Variants in LRBA observed in about 807,000 individuals in gnomAD.
LRBA encodes lipopolysaccharide-responsive and beige-like anchor protein.
Under a neutral mutation model 330.0 loss-of-function variants are expected in LRBA, and 176 were observed. That is an observed-to-expected ratio of 0.53 (90% CI 0.47 to 0.60). LRBA has a LOEUF of 0.60. LRBA is among the 20% of genes least tolerant of loss of function. The pLI, the probability that LRBA is intolerant of heterozygous loss-of-function variation, is 0.00. For synonymous variants in LRBA, 1,230 were observed against 1,193.0 expected (o/e 1.03, Z -0.64); for missense variants, 3,259 against 3,444.8 (o/e 0.95, Z 1.35).
chr4:150,890,621 GT>G (rs1272157540), intron 17 of LRBA, among the ~76,000 whole-genome samples: 1 of 152,182 alleles, frequency 6.6e-6, no homozygotes, highest in Non-Finnish European at 1.5e-5. Context: ...AAACATGCCA[GT>G]GATAAAAAGG....
In LRBA at chr4:150,828,448, C is replaced by A; in HGVS notation, c.4903G>T (p.Asp1635Tyr). 1 of 1,614,148 alleles carries A rather than the reference C, an allele frequency of 6.2e-7. No individual in the cohort carries two copies. The highest frequency in any genetic ancestry group is 8.5e-7 in the Non-Finnish European group (1 of 1,180,012). ...GTAGATAGCACCTCGCTGATTGCAT[C>A]TGGGCCTGCACTGACACCAGGAGGT... ...TAPPGVSAGP[D>Y]AISEVLSTLS... The change falls in exon 30 of 57, where the codon GAT becomes TAT. Residue 1635 changes from aspartate to tyrosine, a missense_variant. Coordinates refer to ENST00000651943, the MANE Select transcript of LRBA (RefSeq NM_001364905.1).
intron 40 of LRBA, among the ~76,000 whole-genome samples, chr4:150,554,063 A>G (rs954091417): frequency 6.6e-6 from 1 of 152,206 alleles, no homozygotes; most frequent in East Asian, 1.9e-4. Flanking sequence ...AAACCTTGCT[A>G]AAGCAGGAGA....
At chr4:150,295,202 T>TC (rs1395049870) in intron 53 of LRBA, among the ~76,000 whole-genome samples, 74 of 145,576 alleles carry the variant, frequency 5.1e-4, no homozygotes, top group East Asian at 2.2e-3. Flanking sequence ...AGCTTTTTTT[T>TC]TTTTTTTTTT....
At chr4:150,539,915 G>C (rs1253724780) in intron 40 of LRBA, among the ~76,000 whole-genome samples, 1 of 152,082 alleles carries the variant, frequency 6.6e-6, no homozygotes, top group East Asian at 1.9e-4. Context: ...CATCAGTAAA[G>C]GAATAAAAAC....
chr4:150,406,455 T>C (rs1172674312), intron 47 of LRBA, among the ~76,000 whole-genome samples: 2 of 152,176 alleles, frequency 1.3e-5, no homozygotes, highest in Non-Finnish European at 2.9e-5. Context: ...AAAAGACATT[T>C]TGAAAGTGTC....
chr4:150,671,561 T>C (rs539756935), intron 37 of LRBA, among the ~76,000 whole-genome samples: 16 of 152,332 alleles, frequency 1.1e-4, no homozygotes, highest in African/African-American at 2.2e-4. Flanking sequence ...AGGTAGTTAA[T>C]TCATTACAAA....
At chr4:150,479,112 C>T (rs1757022848) in intron 42 of LRBA, among the ~76,000 whole-genome samples, 1 of 151,814 alleles carries the variant, frequency 6.6e-6, no homozygotes, top group Non-Finnish European at 1.5e-5. Context: ...AGCAAGACAG[C>T]ATCTCTTAAA....
chr4:150,875,648 C>G (rs941947809), intron 17 of LRBA, among the ~76,000 whole-genome samples: 12 of 152,258 alleles, frequency 7.9e-5, no homozygotes, highest in Admixed American at 5.2e-4. Context: ...AGGCCCTACC[C>G]AGCATTCTCT....
chr4:150,973,148 C>CTGTT (rs3033033), intron 2 of LRBA, among the ~76,000 whole-genome samples: 98,287 of 149,408 alleles, frequency 0.66, 34,233 homozygotes, highest in Non-Finnish European at 0.79. Flanking sequence ...TTTTGTCTGT[C>CTGTT]TGTTTGTTTG....
chr4:150,850,616 T>C (rs1750503582), intron 24 of LRBA, 108 bp downstream of exon 24: 1 of 621,960 alleles, frequency 1.6e-6, no homozygotes, highest in Non-Finnish European at 2.6e-6. Flanking sequence ...ATTTCTATTC[T>C]ACTTTTTAAC....
At chr4:150,443,026 T>G (rs890978724) in intron 44 of LRBA, among the ~76,000 whole-genome samples, 2 of 152,130 alleles carry the variant, frequency 1.3e-5, no homozygotes, top group Non-Finnish European at 2.9e-5. Context: ...ACATAAATCA[T>G]CTCATTATCT....
intron 35 of LRBA, among the ~76,000 whole-genome samples, chr4:150,742,562 C>T (rs776568526): frequency 8.3e-4 from 126 of 152,098 alleles, no homozygotes; most frequent in Admixed American, 1.1e-3. Flanking sequence ...TACTCCCATT[C>T]CACAGGGCAC....
intron 30 of LRBA, among the ~76,000 whole-genome samples, chr4:150,818,140 TA>T (rs1744869405): frequency 6.6e-6 from 1 of 152,154 alleles, no homozygotes; most frequent in African/African-American, 2.4e-5. Context: ...ATTCAGCTTC[TA>T]AACAAAGTAA....
chr4:150,794,668 C>A (rs999736340), intron 34 of LRBA, among the ~76,000 whole-genome samples: 1 of 152,032 alleles, frequency 6.6e-6, no homozygotes, highest in Admixed American at 6.5e-5. Flanking sequence ...AAAACAGCAA[C>A]AATCTACATA....
intron 47 of LRBA, among the ~76,000 whole-genome samples, chr4:150,375,852 C>T (rs565523195): frequency 2.6e-5 from 4 of 152,072 alleles, no homozygotes; most frequent in Non-Finnish European, 5.9e-5. Flanking sequence ...AACTATTTCC[C>T]AGGGCTCTGT....
chr4:150,741,504 C>T (rs1731969350), intron 35 of LRBA, among the ~76,000 whole-genome samples: 1 of 152,038 alleles, frequency 6.6e-6, no homozygotes, highest in Admixed American at 6.6e-5. Context: ...GCTGGCATCA[C>T]CAAGTTATAT....
At chr4:150,328,088 G>C (rs888572298) in intron 48 of LRBA, among the ~76,000 whole-genome samples, 1 of 152,048 alleles carries the variant, frequency 6.6e-6, no homozygotes, top group Non-Finnish European at 1.5e-5. Flanking sequence ...CAGGTCTTAG[G>C]GACTGATGAC....
At chr4:150,532,703 G>C (rs913707940) in intron 40 of LRBA, among the ~76,000 whole-genome samples, 11 of 152,150 alleles carry the variant, frequency 7.2e-5, no homozygotes, top group African/African-American at 2.6e-4. Flanking sequence ...AACAGAAAGA[G>C]AAGAATGGGC....
intron 26 of LRBA, among the ~76,000 whole-genome samples, chr4:150,848,268 G>A (rs1395859658): frequency 6.6e-6 from 1 of 152,074 alleles, no homozygotes; most frequent in Non-Finnish European, 1.5e-5. Flanking sequence ...ACCCACTTTG[G>A]CCTCCCAAAG....
Sources: gnomAD v4.1 joint callset for allele counts (sites outside exome capture counted in the v4.1 genomes callset) on GRCh38, gnomAD v4.1.1 for gene constraint, MANE v1.5 for transcripts, NCBI Gene and HGNC (gene_info 2026-07-23, HGNC 2026-07-21) for gene names.